Variants in RNF144B observed in about 807,000 individuals in gnomAD.
The protein encoded by RNF144B is E3 ubiquitin-protein ligase RNF144B.
RNF144B carries 25 observed loss-of-function variants against 40.2 expected under a neutral mutation model. That is an observed-to-expected ratio of 0.62 (90% confidence interval 0.45 to 0.87). The LOEUF is 0.87. RNF144B is among the 40% of genes least tolerant of loss of function. The pLI is 0.00. For missense variants in RNF144B, 365 were observed against 373.7 expected (o/e 0.98, Z 0.19); for synonymous variants, 145 against 136.3 (o/e 1.06, Z -0.44).
chr6:18,449,931 T>C (rs1005009127), intron 4 of RNF144B, among the ~76,000 whole-genome samples: 10 of 152,220 alleles, frequency 6.6e-5, no homozygotes, highest in African/African-American at 2.2e-4. Context: ...AGGTGCCTAC[T>C]GTGAATCAAA....
At chr6:18,453,731 T>C (rs1217898461) in intron 4 of RNF144B, among the ~76,000 whole-genome samples, 1 of 152,224 alleles carries the variant, frequency 6.6e-6, no homozygotes, top group African/African-American at 2.4e-5. Flanking sequence ...TTTAGAATGA[T>C]AAAATCATTG....
rs9465139 is a variant in RNF144B at position 18,412,346 on chromosome 6, A to G, written c.165+12647A>G. ...ACTTCCTCTTTTTAGGAGGAAGCAA[A>G]TTGTTGTAAGAGAAGCTCATCTCAT... On this transcript the variant is annotated intron_variant, in intron 2 of 7. Coordinates refer to ENST00000259939, the MANE Select transcript of RNF144B (RefSeq NM_182757.4). This position sits in a 1 kb window ranked among gnomAD's most constrained non-coding sequence, Gnocchi z 4.2. Among the ~76,000 whole-genome samples the G allele has an allele frequency of 7.1e-3, 1,081 of 152,238 alleles. 15 individuals carry two copies. Among genetic ancestry groups the G allele is most frequent in the African/African-American group, 0.024 (1,011 of 41,546 alleles).
At position 18,460,264 on chromosome 6, in the gene RNF144B, A is replaced by C. The variant is rs947382496; in HGVS notation, c.681+513A>C. Among the ~76,000 whole-genome samples the C allele has an allele frequency of 2.6e-5, 4 of 152,070 alleles. No homozygotes were observed. Among genetic ancestry groups the C allele is most frequent in the African/African-American group, 9.7e-5 (4 of 41,396 alleles). On this transcript the variant is annotated intron_variant, in intron 6 of 7. Coordinates refer to ENST00000259939, the MANE Select transcript of RNF144B (RefSeq NM_182757.4). This position sits in a 1 kb window ranked among gnomAD's most constrained non-coding sequence, Gnocchi z 4.4. ...CTTGTGGCCTCTTCCTCCATCTTCA[A>C]AGCCAGCAACATCAGATCTCTCACT...
chr6:18,396,757 G>C, intron 1 of RNF144B: 1 of 985,412 alleles, frequency 1.0e-6, no homozygotes, highest in South Asian at 4.7e-5. Context: ...TGTGCCATGA[G>C]CCCGGGAGTA....
intron 3 of RNF144B, among the ~76,000 whole-genome samples, chr6:18,437,451 T>C (rs552469006): frequency 3.2e-4 from 49 of 152,042 alleles, no homozygotes; most frequent in African/African-American, 1.2e-3. Context: ...AAAAAAACAG[T>C]AATACAAAAG....
At chr6:18,424,732 A>G (rs894355322) in intron 2 of RNF144B, among the ~76,000 whole-genome samples, 17 of 152,112 alleles carry the variant, frequency 1.1e-4, no homozygotes, top group Non-Finnish European at 1.9e-4. Context: ...CTCACTTAGT[A>G]TCTTTAGTTC....
chr6:18,411,631 G>A (rs1235580585), intron 2 of RNF144B, among the ~76,000 whole-genome samples: 2 of 150,008 alleles, frequency 1.3e-5, no homozygotes, highest in African/African-American at 4.9e-5. Flanking sequence ...AGCCTCCCAA[G>A]TAGCTGGGAT....
chr6:18,442,399 T>A lies in RNF144B; in HGVS notation c.331+2655T>A, dbSNP rs1758984207. On this transcript the variant is annotated intron_variant, in intron 4 of 7. Coordinates refer to ENST00000259939, the MANE Select transcript of RNF144B (RefSeq NM_182757.4). The surrounding 1 kb of genome is among the most constrained non-coding windows in gnomAD (Gnocchi z 4.3). Reference sequence around the variant, plus strand: ...GGCAGATGCCCCACTGTGGATCCCATGCATTAACAATTCATGTTGTTATTC... The same window carrying A: ...GGCAGATGCCCCACTGTGGATCCCAAGCATTAACAATTCATGTTGTTATTC... Among the ~76,000 whole-genome samples the A allele has an allele frequency of 6.6e-6, 1 of 152,210 alleles. No homozygotes were observed. The highest frequency in any genetic ancestry group is 2.1e-4 in the South Asian group (1 of 4,832).
At position 18,447,248 on chromosome 6, in the gene RNF144B, A is replaced by G. The variant is rs142440514; in HGVS notation, c.331+7504A>G. Among the ~76,000 whole-genome samples, 1 of 152,254 alleles carries G rather than the reference A, an allele frequency of 6.6e-6. No individual in the cohort carries two copies. Among genetic ancestry groups the G allele is most frequent in the African/African-American group, 2.4e-5 (1 of 41,542 alleles). On this transcript the variant is annotated intron_variant, in intron 4 of 7. Transcript: ENST00000259939. The surrounding 1 kb of genome is among the most constrained non-coding windows in gnomAD (Gnocchi z 5.6). ...ATGTGAGCAAGCCATATGGATACTTACGGGAAGAACATCATTTCAGGCAGA... is the reference window on the plus strand; with the variant it reads ...ATGTGAGCAAGCCATATGGATACTTGCGGGAAGAACATCATTTCAGGCAGA...
intron 2 of RNF144B, among the ~76,000 whole-genome samples, chr6:18,417,301 G>C (rs1255617205): frequency 6.6e-6 from 1 of 152,138 alleles, no homozygotes; most frequent in African/African-American, 2.4e-5. Context: ...GAGTTGGAGA[G>C]CTCTATTCCT....
In RNF144B at chr6:18,450,838, T is replaced by A. The variant is rs572905800; in HGVS notation, c.332-6317T>A. On this transcript the variant is annotated intron_variant, in intron 4 of 7. Transcript: ENST00000259939. The surrounding 1 kb of genome is among the most constrained non-coding windows in gnomAD (Gnocchi z 4.7). ...TTCTAAATGCTGCCTGCAAAGTTGC[T>A]ACCTCAGGGATTTTTTAAAAAAGAT... Among the ~76,000 whole-genome samples, 1 of 152,346 alleles carries A rather than the reference T, an allele frequency of 6.6e-6. No individual in the cohort carries two copies. The highest frequency in any genetic ancestry group is 1.9e-4 in the East Asian group (1 of 5,186).
intron 2 of RNF144B, among the ~76,000 whole-genome samples, chr6:18,403,943 C>T (rs146602106): frequency 1.0e-3 from 159 of 152,224 alleles, no homozygotes; most frequent in African/African-American, 3.7e-3. Context: ...AATTCATTCC[C>T]GCAAGAACTA....
chr6:18,426,790 A>G lies in RNF144B; in HGVS notation c.166-791A>G, dbSNP rs545848220. Among the ~76,000 whole-genome samples the G allele has an allele frequency of 1.0e-4, 14 of 138,100 alleles. 1 individual carries two copies. Among genetic ancestry groups the G allele is most frequent in the Admixed American group, 4.3e-4 (6 of 14,106 alleles). The allele number at this position is 138,100 out of a possible 152,430, so 90.6% of individuals were successfully genotyped here. A position where few individuals can be genotyped will look rare whatever the true frequency, so the allele number is the denominator to read the frequency against. On this transcript the variant is annotated intron_variant, in intron 2 of 7. Coordinates refer to ENST00000259939, the MANE Select transcript of RNF144B (RefSeq NM_182757.4). ...CTCTGGGTTTCATTTTTTCTATTCAATGTCTTCTCTGGGTTTCATTTTTTC... is the reference window on the plus strand; with the variant it reads ...CTCTGGGTTTCATTTTTTCTATTCAGTGTCTTCTCTGGGTTTCATTTTTTC...
rs1162616616 is a variant in RNF144B, at chr6:18,410,644, A to C, written c.165+10945A>C. 1.3e-5 allele frequency among the ~76,000 whole-genome samples: 2 copies of C among 152,214 alleles called. No individual in the cohort carries two copies. The highest frequency in any genetic ancestry group is 3.9e-4 in the East Asian group (2 of 5,172). On this transcript the variant is annotated intron_variant, in intron 2 of 7. Transcript: ENST00000259939. This position sits in a 1 kb window ranked among gnomAD's most constrained non-coding sequence, Gnocchi z 4.6. ...GGAAGTGTGGGTGTGCTCAGGCAGGAGGCCAGAGAGGCAAGCAGAGACTAG... is the reference window on the plus strand; with the variant it reads ...GGAAGTGTGGGTGTGCTCAGGCAGGCGGCCAGAGAGGCAAGCAGAGACTAG...
At position 18,443,261 on chromosome 6, in the gene RNF144B, T is replaced by C. The variant is rs1350581294; in HGVS notation, c.331+3517T>C. 6.6e-6 allele frequency among the ~76,000 whole-genome samples: 1 copy of C among 152,106 alleles called. No homozygotes were observed. The highest frequency in any genetic ancestry group is 1.5e-5 in the Non-Finnish European group (1 of 68,016). On this transcript the variant is annotated intron_variant, in intron 4 of 7. Coordinates refer to ENST00000259939, the MANE Select transcript of RNF144B (RefSeq NM_182757.4). The surrounding 1 kb of genome is among the most constrained non-coding windows in gnomAD (Gnocchi z 4.7). ...AATTTCCTCTTAAGTGATTTTGTTT[T>C]TGTTTTGTTTATTTTTTTTGAGATG...
At chr6:18,418,000 A>C (rs1014721395) in intron 2 of RNF144B, among the ~76,000 whole-genome samples, 1 of 152,220 alleles carries the variant, frequency 6.6e-6, no homozygotes, top group African/African-American at 2.4e-5. Context: ...GCTCAAAATC[A>C]CTAGCCAACA....
intron 4 of RNF144B, among the ~76,000 whole-genome samples, chr6:18,452,889 A>G (rs1419646439): frequency 1.3e-5 from 2 of 151,926 alleles, no homozygotes; most frequent in African/African-American, 2.4e-5. Flanking sequence ...GGCTCAAGCA[A>G]TCCTCCCACC....
At chr6:18,415,418 C>G (rs1046534253) in intron 2 of RNF144B, among the ~76,000 whole-genome samples, 5 of 152,094 alleles carry the variant, frequency 3.3e-5, no homozygotes, top group Admixed American at 6.6e-5. Flanking sequence ...GTTGCTTCCT[C>G]TGGAGGGGAG....
In RNF144B at chr6:18,464,878, A is replaced by G; in HGVS notation, c.772-49A>G. The G allele has an allele frequency of 6.3e-7, 1 of 1,582,404 alleles. No individual in the cohort carries two copies. Among genetic ancestry groups the G allele is most frequent in the Admixed American group, 1.7e-5 (1 of 59,654 alleles). Reference sequence around the variant, plus strand: ...AACAGTATAGTTGGAATAAGTATACATATTGAAAGACTTAATTGCTGAAAT... The same window carrying G: ...AACAGTATAGTTGGAATAAGTATACGTATTGAAAGACTTAATTGCTGAAAT... On this transcript the variant is annotated intron_variant, in intron 7 of 7. Transcript: ENST00000259939. The surrounding 1 kb of genome is among the most constrained non-coding windows in gnomAD (Gnocchi z 6.1).
Sources: gnomAD v4.1 joint callset for allele counts (sites outside exome capture counted in the v4.1 genomes callset) on GRCh38, gnomAD v4.1.1 for gene constraint, Gnocchi (gnomAD v3.1) non-coding constraint, MANE v1.5 for transcripts, NCBI Gene and HGNC (gene_info 2026-07-23, HGNC 2026-07-21) for gene names.